NXPE2: variants seen among roughly 807,000 people sequenced by gnomAD.
NXPE2 encodes NXPE family member 2.
NXPE2 carries 34 observed loss-of-function variants against 34.4 expected under a neutral mutation model. That is an observed-to-expected ratio of 0.99 (90% CI 0.75 to 1.31). The LOEUF is 1.31. Ranked by LOEUF, NXPE2 falls within the 40% of genes most tolerant of loss-of-function variation. The probability of loss-of-function intolerance (pLI) is 0.00; values close to 1 mark genes in which losing one functional copy is unlikely to be tolerated. For missense variants in NXPE2, 649 were observed against 672.5 expected (o/e 0.97, Z 0.39); for synonymous variants, 235 against 231.3 (o/e 1.02, Z -0.15).
chr11:114,537,729 G>A, the NXPE2 span, among the ~76,000 whole-genome samples: 113 of 152,098 alleles, frequency 7.4e-4, no homozygotes, highest in African/African-American at 2.6e-3. Flanking sequence ...TACAAGGGAT[G>A]TGAAGGACCT....
the NXPE2 span, among the ~76,000 whole-genome samples, chr11:114,534,287 A>G: frequency 2.6e-5 from 4 of 152,340 alleles, no homozygotes; most frequent in South Asian, 8.3e-4. Flanking sequence ...CCATCTGTAC[A>G]TAACCATCAT....
the NXPE2 span, among the ~76,000 whole-genome samples, chr11:114,751,408 G>A: frequency 2.0e-5 from 3 of 152,118 alleles, no homozygotes; most frequent in African/African-American, 4.8e-5. Flanking sequence ...AGTTCCTAAT[G>A]TGTCCTAGTA....
chr11:114,574,561 A>G, the NXPE2 span, among the ~76,000 whole-genome samples: 3 of 152,088 alleles, frequency 2.0e-5, no homozygotes, highest in African/African-American at 2.4e-5. Flanking sequence ...ATTCAAGGCT[A>G]CTGTGAACAC....
the NXPE2 span, among the ~76,000 whole-genome samples, chr11:114,650,121 T>C: frequency 2.6e-5 from 4 of 152,122 alleles, no homozygotes; most frequent in African/African-American, 9.6e-5. Context: ...CTCAAATACA[T>C]CATAAAGCTC....
chr11:114,563,845 A>C, the NXPE2 span, among the ~76,000 whole-genome samples: 1 of 152,350 alleles, frequency 6.6e-6, no homozygotes, highest in African/African-American at 2.4e-5. Flanking sequence ...GATGTAGTGA[A>C]AAGGGAACAC....
At chr11:114,570,269 G>A in the NXPE2 span, among the ~76,000 whole-genome samples, 1 of 152,120 alleles carries the variant, frequency 6.6e-6, no homozygotes, top group Admixed American at 6.5e-5. Flanking sequence ...TAGGATTACA[G>A]GTGTGAGCCA....
At chr11:114,513,242 A>ATGGTG in the NXPE2 span, 166 of 524,054 alleles carry the variant, frequency 3.2e-4, no homozygotes, top group Admixed American at 3.3e-4. Flanking sequence ...TCGAGGGTTG[A>ATGGTG]GGATGGTGGC....
At chr11:114,734,494 A>G in the NXPE2 span, among the ~76,000 whole-genome samples, 1 of 152,150 alleles carries the variant, frequency 6.6e-6, no homozygotes, top group Non-Finnish European at 1.5e-5. Flanking sequence ...TATTCATTGT[A>G]CTGCTGTTGG....
chr11:114,695,866 C>CAT (rs960618609), intron 2 of NXPE2, among the ~76,000 whole-genome samples: 1 of 149,320 alleles, frequency 6.7e-6, no homozygotes, highest in African/African-American at 2.5e-5. Flanking sequence ...CACACACACA[C>CAT]AATTAGCTGG....
chr11:114,536,254 AC>A, the NXPE2 span, among the ~76,000 whole-genome samples: 1 of 152,230 alleles, frequency 6.6e-6, no homozygotes, highest in African/African-American at 2.4e-5. Context: ...GACACAACAT[AC>A]CAGAATCTCT....
At chr11:114,785,347 A>G in the NXPE2 span, among the ~76,000 whole-genome samples, 1 of 152,068 alleles carries the variant, frequency 6.6e-6, no homozygotes, top group Non-Finnish European at 1.5e-5. Flanking sequence ...TGAGACCCCA[A>G]GCTTCTAGAT....
the NXPE2 span, among the ~76,000 whole-genome samples, chr11:114,512,286 C>T: frequency 6.6e-6 from 1 of 152,134 alleles, no homozygotes; most frequent in African/African-American, 2.4e-5. Context: ...ATCCAGCTGG[C>T]CCTGGACACC....
chr11:114,607,222 C>T, the NXPE2 span, among the ~76,000 whole-genome samples: 2 of 151,762 alleles, frequency 1.3e-5, no homozygotes, highest in East Asian at 1.9e-4. Flanking sequence ...AATGTTACCT[C>T]GTGTGTAACC....
the NXPE2 span, among the ~76,000 whole-genome samples, chr11:114,668,360 C>T: frequency 2.6e-5 from 4 of 151,822 alleles, no homozygotes; most frequent in East Asian, 2.0e-4. Flanking sequence ...CTCCTAAGTT[C>T]TCAACTGCAC....
At chr11:114,546,622 T>C in the NXPE2 span, among the ~76,000 whole-genome samples, 1 of 151,878 alleles carries the variant, frequency 6.6e-6, no homozygotes, top group African/African-American at 2.4e-5. Flanking sequence ...AGCGCTGTCT[T>C]CTGAGAGGGC....
At chr11:114,746,573 T>C in the NXPE2 span, among the ~76,000 whole-genome samples, 1 of 152,136 alleles carries the variant, frequency 6.6e-6, no homozygotes, top group East Asian at 1.9e-4. Flanking sequence ...ACACCTGGGC[T>C]GGGCATGGTG....
the NXPE2 span, among the ~76,000 whole-genome samples, chr11:114,631,837 C>G: frequency 1.3e-5 from 2 of 150,318 alleles, no homozygotes; most frequent in Non-Finnish European, 3.0e-5. Flanking sequence ...ACCGATGTTA[C>G]CCGGTGGATA....
chr11:114,760,456 C>G, the NXPE2 span, among the ~76,000 whole-genome samples: 1 of 152,158 alleles, frequency 6.6e-6, no homozygotes, highest in Non-Finnish European at 1.5e-5. Flanking sequence ...CTTAGGGTTA[C>G]AGGTAAAACA....
At chr11:114,802,565 A>G in the NXPE2 span, among the ~76,000 whole-genome samples, 3 of 152,216 alleles carry the variant, frequency 2.0e-5, no homozygotes, top group Non-Finnish European at 2.9e-5. Flanking sequence ...TTATTAGAGG[A>G]AAGTAGCACA....
Sources: gnomAD v4.1 joint callset for allele counts (sites outside exome capture counted in the v4.1 genomes callset) on GRCh38, gnomAD v4.1.1 for gene constraint, MANE v1.5 for transcripts, NCBI Gene and HGNC (gene_info 2026-07-23, HGNC 2026-07-21) for gene names.